Variants in RTEL1 observed in about 807,000 individuals in gnomAD.
The protein encoded by RTEL1 is regulator of telomere elongation helicase 1, also known as regulator of telomere length.
RTEL1 carries 86 observed loss-of-function variants against 162.2 expected under a neutral mutation model. The ratio of observed to expected loss-of-function variants is 0.53; its 90% CI spans 0.45 to 0.63. The LOEUF (loss-of-function observed/expected upper bound fraction) is 0.63. Ranked by LOEUF, RTEL1 falls within the 30% of genes least tolerant of loss-of-function variation. The probability of loss-of-function intolerance (pLI) is 0.00; values close to 1 mark genes in which losing one functional copy is unlikely to be tolerated. For synonymous variants in RTEL1, 958 were observed against 717.9 expected, an observed-to-expected ratio of 1.33 and a Z score of -5.35; for missense variants, 1,941 against 1,750.2, an observed-to-expected ratio of 1.11 and a Z score of -1.95.
At position 63,693,489 on chromosome 20, in the gene RTEL1, ACCT is replaced by A. The variant is rs1568720268; in HGVS notation, c.2992+209_2992+211del. Among the ~76,000 whole-genome samples, 432 of 29,190 alleles carry A rather than the reference ACCT, an allele frequency of 0.015. 59 individuals carry two copies. Among genetic ancestry groups the A allele is most frequent in the Middle Eastern group, 0.042 (3 of 72 alleles). The allele number at this position is 29,190 out of a possible 152,430, so 19.1% of individuals were successfully genotyped here. A position where few individuals can be genotyped will look rare whatever the true frequency, so the allele number is the denominator to read the frequency against. On this transcript the variant is annotated intron_variant, in intron 30 of 34. Coordinates refer to ENST00000360203, the MANE Select transcript of RTEL1 (RefSeq NM_001283009.2). ...CACCTCCACCTCCACCTCCACCACC[ACCT>A]CCACCTCCACCACCACCTCCTCCAC...
At position 63,661,518 on chromosome 20, in the gene RTEL1, C is replaced by T. The variant is rs772787980; in HGVS notation, c.301+22C>T. The T allele has an allele frequency of 2.3e-5, 36 of 1,596,878 alleles. No homozygotes were observed. The highest frequency in any genetic ancestry group is 3.1e-5 in the Non-Finnish European group (36 of 1,175,142). ...ATAGGTGACCCTAGTTCCCAGGCCTCTCCTGGCCTCCTGTGGGGATGGTTG... is the reference window on the plus strand; with the variant it reads ...ATAGGTGACCCTAGTTCCCAGGCCTTTCCTGGCCTCCTGTGGGGATGGTTG... On this transcript the variant is annotated intron_variant, in intron 3 of 34. Coordinates refer to ENST00000360203, the MANE Select transcript of RTEL1 (RefSeq NM_001283009.2). The surrounding 1 kb of genome is among the most constrained non-coding windows in gnomAD (Gnocchi z 5.1).
intron 9 of RTEL1, among the ~76,000 whole-genome samples, chr20:63,673,520 C>T (rs2090286944): frequency 6.6e-6 from 1 of 152,114 alleles, no homozygotes; most frequent in Non-Finnish European, 1.5e-5. Context: ...CCCACTGCAA[C>T]CTCCACCTCC....
intron 14 of RTEL1, among the ~76,000 whole-genome samples, chr20:63,684,233 T>G (rs1347086160): frequency 6.6e-6 from 1 of 152,144 alleles, no homozygotes; most frequent in Non-Finnish European, 1.5e-5. Flanking sequence ...ACACCGGTGG[T>G]TCTGTGCGCT....
rs777405867 is a variant in RTEL1 at position 63,672,606 on chromosome 20, C to T, written c.750C>T (p.Asp250=). ...TGAAGGGGACAGTCGTGATCTTTGA[C>T]GAAGCTCACAACGTGGTGAGTCTCC... The part of the protein sequence containing the change: ...IDLKGTVVIF[D]EAHNVEKMCE... Residue 250 remains aspartate (D), a synonymous_variant, in exon 9 of 35, where the codon GAC becomes GAT. Coordinates refer to ENST00000360203, the MANE Select transcript of RTEL1 (RefSeq NM_001283009.2). 1.4e-5 allele frequency: 22 copies of T among 1,584,896 alleles called. No individual in the cohort carries two copies. The highest frequency in any genetic ancestry group is 1.7e-4 in the Middle Eastern group (1 of 6,048).
In RTEL1 at chr20:63,696,001, C is replaced by T; in HGVS notation, c.*143C>T. On this transcript the variant is annotated 3_prime_UTR_variant, in exon 35 of 35. Transcript: ENST00000360203. ...CTGCAGGCCTCAGGCAGGCGGGGCC[C>T]ATGGTTGGTCCCTGCGGTGGGACCG... is the stretch of plus-strand genomic sequence containing the variant. 2.5e-6 allele frequency: 2 copies of T among 794,030 alleles called. No individual in the cohort carries two copies. The highest frequency in any genetic ancestry group is 3.9e-6 in the Non-Finnish European group (2 of 507,446). 49.2% of individuals were successfully genotyped at this position (794,030 alleles called of 1,614,324 possible). A position where few individuals can be genotyped will look rare whatever the true frequency, so the allele number is the denominator to read the frequency against.
rs751045965 is a variant in RTEL1 at position 63,678,134 on chromosome 20, C to T, written c.920-11C>T. The T allele has an allele frequency of 5.0e-6, 8 of 1,614,196 alleles. No homozygotes were observed. Among genetic ancestry groups the T allele is most frequent in the South Asian group, 1.1e-5 (1 of 91,086 alleles). ...GATGCAGACTGCCTTTGCTGCCTTT[C>T]TCTTGCCCAGGGCTGAACATGGAGC... is the stretch of plus-strand genomic sequence containing the variant. On this transcript the variant is annotated splice_polypyrimidine_tract_variant and intron_variant, in intron 10 of 34. Coordinates refer to ENST00000360203, the MANE Select transcript of RTEL1 (RefSeq NM_001283009.2).
At chr20:63,672,091 C>T (rs1027540111) in intron 8 of RTEL1, among the ~76,000 whole-genome samples, 42 of 146,674 alleles carry the variant, frequency 2.9e-4, no homozygotes, top group Non-Finnish European at 3.1e-4. Context: ...ACCATGTTGG[C>T]CAGGCTGGTC....
Position 63,685,784 on chromosome 20 carries a change from C to G in RTEL1, c.1267-7C>G. 6.2e-7 allele frequency: 1 copy of G among 1,611,358 alleles called. No individual in the cohort carries two copies. The highest frequency in any genetic ancestry group is 8.5e-7 in the Non-Finnish European group (1 of 1,179,360). ...GGCCTCCACACTCCTGGTCCTGTCC[C>G]CTCCAGGTGCACATCCATCCTGATG... On this transcript the variant is annotated splice_polypyrimidine_tract_variant and splice_region_variant and intron_variant, in intron 15 of 34. Coordinates refer to ENST00000360203, the MANE Select transcript of RTEL1 (RefSeq NM_001283009.2).
chr20:63,689,486 C>G lies in RTEL1; in HGVS notation c.1879-16C>G, dbSNP rs373555734. The G allele has an allele frequency of 3.2e-6, 5 of 1,564,318 alleles. No homozygotes were observed. In the East Asian group the frequency reaches 1.1e-4, roughly 36 times the overall value. On this transcript the variant is annotated splice_polypyrimidine_tract_variant and intron_variant, in intron 22 of 34. Coordinates refer to ENST00000360203, the MANE Select transcript of RTEL1 (RefSeq NM_001283009.2). ...AGCCCCCACGGCCCCAGGCAGCTCC[C>G]TGGTGTGTCCCCTAGGCCAGCGAGG...
At position 63,690,328 on chromosome 20, in the gene RTEL1, G is replaced by T; in HGVS notation, c.2300G>T (p.Ser767Ile). ...PAPAPRATAP[S>I]VRGEDAVSEA... ...CCGGCCCCCCGGGCTACAGCACCCA[G>T]TGTGCGTGGAGAAGATGCTGTCAGC... Residue 767 changes from serine to isoleucine, a missense_variant, in exon 26 of 35, where the codon AGT (serine) becomes ATT (isoleucine). Coordinates refer to ENST00000360203, the MANE Select transcript of RTEL1 (RefSeq NM_001283009.2). 3.1e-6 allele frequency: 5 copies of T among 1,610,394 alleles called. No individual in the cohort carries two copies. The highest frequency in any genetic ancestry group is 4.2e-6 in the Non-Finnish European group (5 of 1,178,518).
chr20:63,692,550 A>G (rs1466685661), intron 28 of RTEL1: 3 of 557,940 alleles, frequency 5.4e-6, no homozygotes, highest in East Asian at 6.0e-5. Flanking sequence ...GGCAGAGCCA[A>G]TCTACCCTTT....
Position 63,684,182 on chromosome 20 carries a change from G to T in RTEL1, c.1192-1341G>T, listed in dbSNP as rs556568699. Among the ~76,000 whole-genome samples, 19 of 152,248 alleles carry T rather than the reference G, an allele frequency of 1.2e-4. No individual in the cohort carries two copies. In the East Asian group the frequency reaches 3.7e-3, roughly 29 times the overall value. ...ATGCCTTCTGACGTCACCTGTGGGG[G>T]TGTGAAAGGCAGACTCTACCTTGAT... On this transcript the variant is annotated intron_variant, in intron 14 of 34. Coordinates refer to ENST00000360203, the MANE Select transcript of RTEL1 (RefSeq NM_001283009.2).
At position 63,668,523 on chromosome 20, in the gene RTEL1, C is replaced by T. The variant is rs1203254923; in HGVS notation, c.699+970C>T. On this transcript the variant is annotated intron_variant, in intron 8 of 34. Coordinates refer to ENST00000360203, the MANE Select transcript of RTEL1 (RefSeq NM_001283009.2). The surrounding 1 kb of genome is among the most constrained non-coding windows in gnomAD (Gnocchi z 4.3). ...AGACCGAGCCAAGCGGGCCCAAGTG[C>T]GATGTCGGCGGGAGGTGGGGAATGC... 2.6e-5 allele frequency among the ~76,000 whole-genome samples: 4 copies of T among 151,964 alleles called. No individual in the cohort carries two copies. Among genetic ancestry groups the T allele is most frequent in the South Asian group, 2.1e-4 (1 of 4,810 alleles).
chr20:63,659,315 C>T lies in RTEL1; in HGVS notation c.-88C>T. ...CATCGCTTACCAGGAGTGCCCGAGA[C>T]CCTAAGATGTTCGGAGTGGTTTTTT... is the stretch of plus-strand genomic sequence containing the variant. On this transcript the variant is annotated 5_prime_UTR_variant, in exon 2 of 35. Transcript: ENST00000360203. 1 of 872,616 alleles carries T rather than the reference C, an allele frequency of 1.1e-6. No homozygotes were observed. Among genetic ancestry groups the T allele is most frequent in the South Asian group, 1.4e-5 (1 of 73,022 alleles). 54.1% of individuals were successfully genotyped at this position (872,616 alleles called of 1,614,324 possible). A position where few individuals can be genotyped will look rare whatever the true frequency, so the allele number is the denominator to read the frequency against.
Position 63,668,111 on chromosome 20 carries a change from A to C in RTEL1, c.699+558A>C, listed in dbSNP as rs1230714542. Among the ~76,000 whole-genome samples, 31 of 46,220 alleles carry C rather than the reference A, an allele frequency of 6.7e-4. No individual in the cohort carries two copies. Among genetic ancestry groups the C allele is most frequent in the African/African-American group, 1.3e-3 (14 of 10,840 alleles). 30.3% of individuals were successfully genotyped at this position (46,220 alleles called of 152,430 possible). A position where few individuals can be genotyped will look rare whatever the true frequency, so the allele number is the denominator to read the frequency against. ...GCCCCGTGTGCCCAGCCCCACGCTC[A>C]CTCCCCCCGCCAGCATGTGCCCGGC... On this transcript the variant is annotated intron_variant, in intron 8 of 34. Coordinates refer to ENST00000360203, the MANE Select transcript of RTEL1 (RefSeq NM_001283009.2). This position sits in a 1 kb window ranked among gnomAD's most constrained non-coding sequence, Gnocchi z 4.3.
At chr20:63,676,984 G>T (rs1396733982) in intron 10 of RTEL1, among the ~76,000 whole-genome samples, 1 of 152,206 alleles carries the variant, frequency 6.6e-6, no homozygotes. Context: ...GTGTGTGAAC[G>T]TGGGGATTGG....
rs200181490 is a variant in RTEL1, at chr20:63,679,834, T to C, written c.1038-15T>C. 2.4e-4 allele frequency: 385 copies of C among 1,605,172 alleles called. 1 individual carries two copies. The highest frequency in any genetic ancestry group is 3.1e-4 in the Non-Finnish European group (364 of 1,177,064). The stretch of plus-strand genomic sequence containing the variant: ...CCCCCCGCCAGGCTCGAGCCTGCCT[T>C]CTTCTCCTCGGCAGCTACATCTTTG... On this transcript the variant is annotated splice_polypyrimidine_tract_variant and intron_variant, in intron 12 of 34. Coordinates refer to ENST00000360203, the MANE Select transcript of RTEL1 (RefSeq NM_001283009.2).
At chr20:63,663,518 G>C (rs898705421) in intron 6 of RTEL1, among the ~76,000 whole-genome samples, 1 of 152,230 alleles carries the variant, frequency 6.6e-6, no homozygotes, top group African/African-American at 2.4e-5. Flanking sequence ...GCCTGTGAGG[G>C]CCGGGGGTGC....
At chr20:63,659,988 G>A (rs1171154321) in intron 2 of RTEL1, among the ~76,000 whole-genome samples, 2 of 152,062 alleles carry the variant, frequency 1.3e-5, no homozygotes, top group Non-Finnish European at 2.9e-5. Flanking sequence ...TTCAAGGGAA[G>A]GTACTATGCC....
Sources: allele counts gnomAD v4.1 joint callset (sites outside exome capture counted in the v4.1 genomes callset), GRCh38; gene constraint gnomAD v4.1.1; non-coding constraint Gnocchi (gnomAD v3.1); transcripts MANE v1.5; gene names NCBI Gene and HGNC (gene_info 2026-07-23, HGNC 2026-07-21).